Variants in ERBIN observed in about 807,000 individuals in gnomAD.
The protein encoded by ERBIN is densin-180-like protein.
ERBIN carries 60 observed loss-of-function variants against 158.4 expected under a neutral mutation model. That is an observed-to-expected ratio of 0.38 (90% CI 0.31 to 0.47). The LOEUF is 0.47. ERBIN is among the 20% of genes least tolerant of loss of function. The pLI is 0.99. For synonymous variants in ERBIN, 594 were observed against 557.2 expected, an observed-to-expected ratio of 1.07 and a Z score of -0.93; for missense variants, 1,610 against 1,648.0, an observed-to-expected ratio of 0.98 and a Z score of 0.40.
At chr5:65,940,023 A>T (rs2150873373) in intron 1 of ERBIN, among the ~76,000 whole-genome samples, 1 of 136,278 alleles carries the variant, frequency 7.3e-6, no homozygotes, top group South Asian at 2.4e-4. Flanking sequence ...CTGGGACGTG[A>T]GGAGCCCCTC....
intron 21 of ERBIN, among the ~76,000 whole-genome samples, chr5:66,064,702 A>T (rs1344416109): frequency 3.3e-5 from 5 of 152,206 alleles, no homozygotes; most frequent in Non-Finnish European, 1.5e-5. Context: ...ATAATAAAAC[A>T]GCCAAATGAG....
At chr5:66,014,548 A>G (rs1174752965) in intron 6 of ERBIN, 121 bp from the exon 7 acceptor site, 2 of 508,882 alleles carry the variant, frequency 3.9e-6, no homozygotes, top group Non-Finnish European at 6.9e-6. Context: ...TTTTTAATAT[A>G]TTACTTTGCA....
chr5:65,962,853 C>T (rs575025909), intron 1 of ERBIN, among the ~76,000 whole-genome samples: 2 of 152,106 alleles, frequency 1.3e-5, no homozygotes, highest in African/African-American at 2.4e-5. Context: ...AAGGATGGTT[C>T]TAAAATTTAA....
chr5:66,006,734 T>G (rs1753642789), intron 4 of ERBIN, among the ~76,000 whole-genome samples: 1 of 151,998 alleles, frequency 6.6e-6, no homozygotes, highest in Non-Finnish European at 1.5e-5. Context: ...GCAAAGCATA[T>G]GAACAGACAC....
intron 21 of ERBIN, among the ~76,000 whole-genome samples, chr5:66,068,245 G>A (rs1028213878): frequency 1.3e-5 from 2 of 151,894 alleles, no homozygotes; most frequent in African/African-American, 4.8e-5. Flanking sequence ...TACTCAGGAG[G>A]CAAGATCTTT....
In ERBIN at chr5:66,010,080, C is replaced by G. The variant is rs373354722; in HGVS notation, c.308-1969C>G. Among the ~76,000 whole-genome samples, 28 of 152,216 alleles carry G rather than the reference C, an allele frequency of 1.8e-4. 1 individual carries two copies. The East Asian group carries it at 3.5e-3, about 19-fold the overall frequency. Reference sequence around the variant, plus strand: ...TGTATAGTTCCCAATTTCTTGACATCCTCACAAACACTTGTTACTTTCGCG... The same window carrying G: ...TGTATAGTTCCCAATTTCTTGACATGCTCACAAACACTTGTTACTTTCGCG... On this transcript the variant is annotated intron_variant, in intron 4 of 25. Coordinates refer to ENST00000284037, the MANE Select transcript of ERBIN (RefSeq NM_001253697.2).
chr5:66,040,322 C>A (rs1757802539), intron 15 of ERBIN, among the ~76,000 whole-genome samples: 1 of 151,898 alleles, frequency 6.6e-6, no homozygotes, highest in South Asian at 2.1e-4. Context: ...TAATTCAAAT[C>A]TACCTTGCCT....
chr5:65,972,331 C>G (rs965367068), intron 1 of ERBIN, among the ~76,000 whole-genome samples: 2 of 151,698 alleles, frequency 1.3e-5, no homozygotes, highest in Non-Finnish European at 2.9e-5. Context: ...CTGCGGTGTC[C>G]TTACACTCAT....
rs1425043032 is a variant in ERBIN, at chr5:66,081,886, C to A, written c.*3356C>A. ...GAGCATTAATTGATGAACAAGTGAA[C>A]AAGATGCCTCTTTAAAAAAAAAAAA... On this transcript the variant is annotated 3_prime_UTR_variant, in exon 26 of 26. Coordinates refer to ENST00000284037, the MANE Select transcript of ERBIN (RefSeq NM_001253697.2). 1 of 150,512 alleles carries A rather than the reference C, an allele frequency of 6.6e-6. No individual in the cohort carries two copies. Among genetic ancestry groups the A allele is most frequent in the Non-Finnish European group, 1.5e-5 (1 of 67,630 alleles). 9.3% of individuals were successfully genotyped at this position (150,512 alleles called of 1,614,324 possible).
chr5:65,950,080 A>G (rs573771286), intron 1 of ERBIN, among the ~76,000 whole-genome samples: 159 of 152,266 alleles, frequency 1.0e-3, no homozygotes, highest in Middle Eastern at 6.8e-3. Context: ...ATCTCTGCTC[A>G]CTGCAGCCTC....
intron 1 of ERBIN, among the ~76,000 whole-genome samples, chr5:65,986,541 T>C (rs573921452): frequency 1.2e-4 from 18 of 152,372 alleles, no homozygotes; most frequent in African/African-American, 3.6e-4. Context: ...AATAGTTTGA[T>C]GTATTTAGGG....
At chr5:66,065,591 C>CTGTGTGTGTG (rs56164922) in intron 21 of ERBIN, among the ~76,000 whole-genome samples, 8 of 109,286 alleles carry the variant, frequency 7.3e-5, no homozygotes, top group Non-Finnish European at 1.6e-4. Context: ...TAATTTTGAC[C>CTGTGTGTGTG]TGTGTGTGTG....
chr5:66,044,449 A>C, intron 17 of ERBIN, 139 bp downstream of exon 17: 1 of 752,550 alleles, frequency 1.3e-6, no homozygotes, highest in Non-Finnish European at 2.1e-6. Context: ...ACATGCTCAC[A>C]TACATATGAT....
At chr5:66,066,638 CTTT>C (rs979690764) in intron 21 of ERBIN, among the ~76,000 whole-genome samples, 5 of 151,780 alleles carry the variant, frequency 3.3e-5, no homozygotes, top group African/African-American at 9.7e-5. Flanking sequence ...GGAATAAGAA[CTTT>C]TTATTTCAGA....
intron 10 of ERBIN, 133 bp from the exon 11 acceptor site, chr5:66,025,347 T>A: frequency 1.4e-6 from 1 of 709,182 alleles, no homozygotes; most frequent in Non-Finnish European, 2.5e-6. Context: ...TTGGGAGTGG[T>A]ATCTCTTTTA....
chr5:66,076,161 G>T, intron 23 of ERBIN, 155 bp from the exon 24 acceptor site: 1 of 611,788 alleles, frequency 1.6e-6, no homozygotes, highest in Non-Finnish European at 2.8e-6. Context: ...AATATTCTAT[G>T]TTGTATTTCA....
In ERBIN at chr5:66,053,986, A is replaced by G. The variant is rs1456583726; in HGVS notation, c.2668A>G (p.Asn890Asp). 2 of 1,614,050 alleles carry G rather than the reference A, an allele frequency of 1.2e-6. No homozygotes were observed. Among genetic ancestry groups the G allele is most frequent in the African/African-American group, 2.7e-5 (2 of 74,936 alleles). ...AAAAATCTATGATATTCTTAGTGAT[A>G]ATGGACCTCAGCAGCCAAGTACAAC... is the stretch of plus-strand genomic sequence containing the variant. The part of the protein sequence containing the change: ...GLKIYDILSD[N>D]GPQQPSTTVK... Residue 890 changes from asparagine (N) to aspartate (D), a missense_variant, in exon 21 of 26, where the codon AAT becomes GAT. Around this residue, in one of 2 missense-constraint regions of ERBIN, gnomAD observed 1,014 missense variants for 936.1 expected, o/e 1.08. Coordinates refer to ENST00000284037, the MANE Select transcript of ERBIN (RefSeq NM_001253697.2).
chr5:66,016,640 G>GTC (rs200060543), intron 7 of ERBIN, among the ~76,000 whole-genome samples: 1,572 of 142,570 alleles, frequency 0.011, 26 homozygotes, highest in African/African-American at 0.038. Flanking sequence ...TTGAGACGGA[G>GTC]TCTCTCTCTG....
chr5:65,937,834 G>C (rs557957844), intron 1 of ERBIN, among the ~76,000 whole-genome samples: 90 of 152,278 alleles, frequency 5.9e-4, no homozygotes, highest in African/African-American at 1.8e-3. Context: ...GCATGAACCC[G>C]GGAGGCGGAG....
Sources: gnomAD v4.1 joint callset for allele counts (sites outside exome capture counted in the v4.1 genomes callset) on GRCh38, gnomAD v4.1.1 for gene constraint, gnomAD v4.1.1 regional missense constraint, MANE v1.5 for transcripts, NCBI Gene and HGNC (gene_info 2026-07-23, HGNC 2026-07-21) for gene names.